Variants in ZNF277 observed in about 807,000 individuals in gnomAD.
The protein encoded by ZNF277 is zinc finger protein 277.
Under a neutral mutation model 60.7 loss-of-function variants are expected in ZNF277, and 55 were observed. The ratio of observed to expected loss-of-function variants is 0.91; its 90% CI spans 0.73 to 1.13. The LOEUF is 1.13. ZNF277 is among the 50% of genes most tolerant of loss of function. The probability of loss-of-function intolerance (pLI) is 0.00; values close to 1 mark genes in which losing one functional copy is unlikely to be tolerated. For missense variants in ZNF277, 510 were observed against 523.0 expected (o/e 0.98, Z 0.24); for synonymous variants, 178 against 179.3 (o/e 0.99, Z 0.06).
intron 1 of ZNF277, among the ~76,000 whole-genome samples, chr7:112,221,370 G>A (rs1227485449): frequency 6.6e-6 from 1 of 152,080 alleles, no homozygotes; most frequent in African/African-American, 2.4e-5. Flanking sequence ...CTTGGAAGCA[G>A]CCTGCCACCA....
chr7:112,279,013 CTTAT>C (rs2117049564), intron 1 of ZNF277, among the ~76,000 whole-genome samples: 1 of 152,248 alleles, frequency 6.6e-6, no homozygotes, highest in Non-Finnish European at 1.5e-5. Flanking sequence ...CTGTGACTGG[CTTAT>C]TTCTCTTATA....
At chr7:112,243,071 A>C (rs1790997642) in intron 1 of ZNF277, among the ~76,000 whole-genome samples, 1 of 151,956 alleles carries the variant, frequency 6.6e-6, no homozygotes, top group Non-Finnish European at 1.5e-5. Context: ...TATACACTAC[A>C]AAAGGACACC....
chr7:112,245,361 A>G (rs1350664118), intron 1 of ZNF277, among the ~76,000 whole-genome samples: 1 of 152,124 alleles, frequency 6.6e-6, no homozygotes, highest in Non-Finnish European at 1.5e-5. Flanking sequence ...CTCTCTTACC[A>G]TGGCTCTATA....
intron 1 of ZNF277, among the ~76,000 whole-genome samples, chr7:112,278,157 CTTAAT>C (rs1404124410): frequency 1.3e-5 from 2 of 152,120 alleles, no homozygotes; most frequent in Non-Finnish European, 2.9e-5. Context: ...TCCCTTGTCT[CTTAAT>C]TTAATGTTCT....
intron 1 of ZNF277, among the ~76,000 whole-genome samples, chr7:112,211,095 T>G (rs1402216654): frequency 6.6e-6 from 1 of 152,246 alleles, no homozygotes; most frequent in Non-Finnish European, 1.5e-5. Context: ...GCTTGGATTC[T>G]GGACCTTATT....
chr7:112,255,847 T>C (rs1791296570), intron 1 of ZNF277, among the ~76,000 whole-genome samples: 1 of 152,230 alleles, frequency 6.6e-6, no homozygotes, highest in Non-Finnish European at 1.5e-5. Context: ...AGTGCCCTGC[T>C]TTTCCACACT....
chr7:112,208,968 C>A (rs554267689), intron 1 of ZNF277, among the ~76,000 whole-genome samples: 1 of 152,104 alleles, frequency 6.6e-6, no homozygotes, highest in South Asian at 2.1e-4. Context: ...CGTAAGCCAC[C>A]GCGCCCGGCC....
In ZNF277 at chr7:112,327,800, T is replaced by C. The variant is rs1481359692; in HGVS notation, c.641T>C (p.Leu214Ser). The C allele has an allele frequency of 1.2e-6, 2 of 1,611,610 alleles. No homozygotes were observed. The highest frequency in any genetic ancestry group is 8.5e-7 in the Non-Finnish European group (1 of 1,179,108). Residue 214 changes from leucine to serine, a missense_variant, in exon 6 of 12, where the codon TTG (leucine) becomes TCG (serine). Physicochemically the swap from Leu to Ser is moderately radical, Grantham distance 145 (BLOSUM62 -2). Coordinates refer to ENST00000361822, the MANE Select transcript of ZNF277 (RefSeq NM_021994.3). The stretch of plus-strand genomic sequence containing the variant: ...AACATTGTAAACTGCAATGAATTTT[T>C]GTGTACATTACAGAAAAAGCTTGAC... ...PDNIVNCNEF[L>S]CTLQKKLDNL... is the part of the protein sequence containing the mutation.
intron 2 of ZNF277, among the ~76,000 whole-genome samples, chr7:112,294,927 G>A (rs560785330): frequency 6.6e-6 from 1 of 152,184 alleles, no homozygotes; most frequent in East Asian, 1.9e-4. Context: ...TCCTAGATGT[G>A]CTAAGTCAAG....
chr7:112,227,958 G>C (rs1822218598), intron 1 of ZNF277, among the ~76,000 whole-genome samples: 1 of 151,888 alleles, frequency 6.6e-6, no homozygotes, highest in Non-Finnish European at 1.5e-5. Flanking sequence ...AAATTACCAT[G>C]AACCACATCT....
intron 1 of ZNF277, among the ~76,000 whole-genome samples, chr7:112,222,765 G>A (rs1822067335): frequency 6.6e-6 from 1 of 152,152 alleles, no homozygotes; most frequent in South Asian, 2.1e-4. Flanking sequence ...TGGATTGAAG[G>A]ATACAAAGTA....
intron 1 of ZNF277, among the ~76,000 whole-genome samples, chr7:112,271,818 C>T: frequency 6.6e-6 from 1 of 151,728 alleles, no homozygotes; most frequent in East Asian, 1.9e-4. Context: ...TTTATGGGTA[C>T]ATACTAGGTG....
chr7:112,337,581 A>G (rs1793357571), intron 8 of ZNF277, 149 bp from the exon 9 acceptor site: 1 of 533,908 alleles, frequency 1.9e-6, no homozygotes. Context: ...AGAGAGTCAT[A>G]ATATGATGTG....
chr7:112,256,874 T>C (rs191794819), intron 1 of ZNF277, among the ~76,000 whole-genome samples: 24 of 152,350 alleles, frequency 1.6e-4, no homozygotes, highest in African/African-American at 5.3e-4. Context: ...TTTTCTTTCT[T>C]CTCTTTGCAT....
intron 2 of ZNF277, among the ~76,000 whole-genome samples, chr7:112,294,086 A>G (rs1792271878): frequency 6.6e-6 from 1 of 152,200 alleles, no homozygotes; most frequent in Non-Finnish European, 1.5e-5. Context: ...CCCTGTCACC[A>G]CTTTGTAATA....
At chr7:112,305,870 T>A (rs535688676) in intron 4 of ZNF277, among the ~76,000 whole-genome samples, 1 of 152,032 alleles carries the variant, frequency 6.6e-6, no homozygotes, top group African/African-American at 2.4e-5. Flanking sequence ...AGACTCTGAG[T>A]GCTCACACTG....
chr7:112,275,625 G>T (rs1198152642), intron 1 of ZNF277, among the ~76,000 whole-genome samples: 1 of 152,036 alleles, frequency 6.6e-6, no homozygotes, highest in Non-Finnish European at 1.5e-5. Context: ...ATATTAAAGA[G>T]GGATTTGTTT....
intron 4 of ZNF277, among the ~76,000 whole-genome samples, chr7:112,316,833 C>G (rs1194083514): frequency 6.6e-6 from 1 of 152,028 alleles, no homozygotes; most frequent in African/African-American, 2.4e-5. Flanking sequence ...AATCATTCTA[C>G]TATAAAGACA....
intron 1 of ZNF277, among the ~76,000 whole-genome samples, chr7:112,263,302 T>G (rs1256541736): frequency 6.6e-6 from 1 of 152,192 alleles, no homozygotes; most frequent in East Asian, 1.9e-4. Flanking sequence ...TATGGCAGTA[T>G]AGTCATTAAA....
Sources: gnomAD v4.1 joint callset for allele counts (sites outside exome capture counted in the v4.1 genomes callset) on GRCh38, gnomAD v4.1.1 for gene constraint, MANE v1.5 for transcripts, NCBI Gene and HGNC (gene_info 2026-07-23, HGNC 2026-07-21) for gene names.